Variants in CDH12 observed in about 807,000 individuals in gnomAD.
CDH12 encodes the protein cadherin-12.
Under a neutral mutation model 74.1 loss-of-function variants are expected in CDH12, and 41 were observed. That is an observed-to-expected ratio of 0.55 (90% CI 0.43 to 0.72). CDH12 has a LOEUF of 0.72. Ranked by LOEUF, CDH12 falls within the 30% of genes least tolerant of loss-of-function variation. The probability of loss-of-function intolerance (pLI) is 0.00; values close to 1 mark genes in which losing one functional copy is unlikely to be tolerated. For missense variants in CDH12, 945 were observed against 977.2 expected (o/e 0.97, Z 0.44); for synonymous variants, 399 against 355.0 (o/e 1.12, Z -1.39).
chr5:22,592,857 C>T (rs1736413150), intron 1 of CDH12, among the ~76,000 whole-genome samples: 2 of 151,686 alleles, frequency 1.3e-5, no homozygotes, highest in African/African-American at 4.8e-5. Context: ...TGGTGAAACC[C>T]TGTCTCTACT....
intron 1 of CDH12, among the ~76,000 whole-genome samples, chr5:22,603,400 G>T (rs1271317648): frequency 1.3e-5 from 2 of 152,178 alleles, no homozygotes; most frequent in African/African-American, 2.4e-5. Context: ...AGTGGCAGTA[G>T]ATTAAAAGAA....
chr5:21,962,311 T>C (rs1580026703), intron 6 of CDH12, among the ~76,000 whole-genome samples: 2 of 152,164 alleles, frequency 1.3e-5, no homozygotes, highest in African/African-American at 2.4e-5. Flanking sequence ...AATTCAAAAA[T>C]GGTTTTCAAG....
At position 22,413,380 on chromosome 5, in the gene CDH12, G is replaced by A. The variant is rs115935019; in HGVS notation, c.-427-8029C>T. 8.7e-3 allele frequency among the ~76,000 whole-genome samples: 1,326 copies of A among 151,996 alleles called. 18 individuals are homozygous for A. Among genetic ancestry groups the A allele is most frequent in the African/African-American group, 0.03 (1,254 of 41,530 alleles). On this transcript the variant is annotated intron_variant, in intron 2 of 14. Coordinates refer to ENST00000382254, the MANE Select transcript of CDH12 (RefSeq NM_004061.5). ...AAGAAAACTAGGACAGAGTGCTAAG[G>A]AGAATAGTGAGAGATCAGAATAACA...
At chr5:22,736,287 A>G (rs1201754229) in intron 1 of CDH12, among the ~76,000 whole-genome samples, 2 of 151,800 alleles carry the variant, frequency 1.3e-5, no homozygotes, top group East Asian at 1.9e-4. Flanking sequence ...TTTTAGTATA[A>G]TTACATAATT....
Position 21,948,089 on chromosome 5 carries a change from A to T in CDH12, c.526+27002T>A, listed in dbSNP as rs1189362185. Among the ~76,000 whole-genome samples the T allele has an allele frequency of 2.0e-5, 3 of 152,220 alleles. No homozygotes were observed. In the East Asian group the frequency reaches 5.8e-4, roughly 29 times the overall value. On this transcript the variant is annotated intron_variant, in intron 6 of 14. Coordinates refer to ENST00000382254, the MANE Select transcript of CDH12 (RefSeq NM_004061.5). ...TGGAAATGCCTGGATGTCCAGGCCG[A>T]GATTGGCTGCAGGGGTGGAGCCATC...
chr5:21,870,686 C>T (rs1458388309), intron 6 of CDH12, among the ~76,000 whole-genome samples: 1 of 152,124 alleles, frequency 6.6e-6, no homozygotes, highest in African/African-American at 2.4e-5. Context: ...CTTCTCCATC[C>T]TCTTTATCTT....
At chr5:22,753,495 G>T (rs1017640365) in intron 1 of CDH12, among the ~76,000 whole-genome samples, 2 of 148,204 alleles carry the variant, frequency 1.3e-5, no homozygotes, top group African/African-American at 5.0e-5. Context: ...AGGAGTTTGG[G>T]TTTTATTCTC....
chr5:21,814,753 AT>A (rs2149942293), intron 9 of CDH12, among the ~76,000 whole-genome samples: 1 of 150,846 alleles, frequency 6.6e-6, no homozygotes, highest in African/African-American at 2.4e-5. Flanking sequence ...ATATTTAAAT[AT>A]TATGACTTCT....
chr5:21,786,047 T>A (rs1259080704), intron 10 of CDH12, among the ~76,000 whole-genome samples: 1 of 152,226 alleles, frequency 6.6e-6, no homozygotes, highest in Non-Finnish European at 1.5e-5. Context: ...CATTAACCAT[T>A]ATAAAAATCC....
chr5:22,644,814 C>G (rs1561548532), intron 1 of CDH12, among the ~76,000 whole-genome samples: 1 of 151,984 alleles, frequency 6.6e-6, no homozygotes, highest in Non-Finnish European at 1.5e-5. Flanking sequence ...CAGCTGGTGA[C>G]TAAATTGAAG....
intron 1 of CDH12, among the ~76,000 whole-genome samples, chr5:22,841,330 C>T (rs1308883687): frequency 6.6e-6 from 1 of 152,040 alleles, no homozygotes; most frequent in Non-Finnish European, 1.5e-5. Flanking sequence ...AGAGACTTCA[C>T]CTTGAGTAAT....
At chr5:22,173,600 C>T (rs1308571985) in intron 4 of CDH12, among the ~76,000 whole-genome samples, 2 of 151,110 alleles carry the variant, frequency 1.3e-5, no homozygotes, top group African/African-American at 4.9e-5. Flanking sequence ...ATTTTTACAA[C>T]CTTGGTTAAC....
intron 1 of CDH12, among the ~76,000 whole-genome samples, chr5:22,624,757 C>G (rs1165947503): frequency 6.6e-6 from 1 of 152,158 alleles, no homozygotes; most frequent in East Asian, 1.9e-4. Context: ...TGTGGCGATT[C>G]CTCAAGGATC....
At chr5:22,044,337 C>T (rs1000808927) in intron 5 of CDH12, among the ~76,000 whole-genome samples, 1 of 152,108 alleles carries the variant, frequency 6.6e-6, no homozygotes, top group Non-Finnish European at 1.5e-5. Context: ...GTTTAATTAA[C>T]TCACAGTTCT....
chr5:21,862,806 T>C (rs1751114669), intron 6 of CDH12, among the ~76,000 whole-genome samples: 1 of 152,140 alleles, frequency 6.6e-6, no homozygotes, highest in African/African-American at 2.4e-5. Flanking sequence ...AGATTTTCCA[T>C]ATGTATAGGA....
intron 1 of CDH12, among the ~76,000 whole-genome samples, chr5:22,515,729 C>T (rs1000104127): frequency 2.6e-5 from 4 of 151,956 alleles, no homozygotes; most frequent in African/African-American, 9.7e-5. Context: ...TATATCCCTA[C>T]CTCACTCTAC....
chr5:22,547,645 A>C (rs2126728550), intron 1 of CDH12, among the ~76,000 whole-genome samples: 1 of 152,326 alleles, frequency 6.6e-6, no homozygotes, highest in South Asian at 2.1e-4. Flanking sequence ...GGATAAAAAT[A>C]AATAAATGCA....
intron 3 of CDH12, among the ~76,000 whole-genome samples, chr5:22,259,870 G>A (rs1753449979): frequency 6.6e-6 from 1 of 151,788 alleles, no homozygotes; most frequent in Non-Finnish European, 1.5e-5. Flanking sequence ...CAAAATTCTG[G>A]CAAATAAATA....
chr5:22,731,171 G>A (rs368074928), intron 1 of CDH12, among the ~76,000 whole-genome samples: 1 of 151,760 alleles, frequency 6.6e-6, no homozygotes, highest in African/African-American at 2.4e-5. Context: ...TTGGAGATAA[G>A]ACCCAATTAT....
Sources: gnomAD v4.1 joint callset for allele counts (sites outside exome capture counted in the v4.1 genomes callset) on GRCh38, gnomAD v4.1.1 for gene constraint, MANE v1.5 for transcripts, NCBI Gene and HGNC (gene_info 2026-07-23, HGNC 2026-07-21) for gene names.